ATP10A: variants seen among roughly 807,000 people sequenced by gnomAD.
The protein encoded by ATP10A is phospholipid-transporting ATPase VA.
A neutral mutation model predicts 147.8 loss-of-function variants in ATP10A; 111 were observed. The observed-to-expected ratio is 0.75, with a 90% CI of 0.64 to 0.88. The LOEUF (loss-of-function observed/expected upper bound fraction) is 0.88. Among genes scored for constraint, ATP10A ranks in the 40% least tolerant of loss-of-function variants. The pLI, the probability that ATP10A is intolerant of heterozygous loss-of-function variation, is 0.00. For missense variants in ATP10A, 1,927 were observed against 1,959.0 expected, an observed-to-expected ratio of 0.98 and a Z score of 0.31; for synonymous variants, 875 against 841.6, an observed-to-expected ratio of 1.04 and a Z score of -0.69.
At chr15:25,683,802 T>C (rs1169738046) in intron 16 of ATP10A, 1 of 366,428 alleles carries the variant, frequency 2.7e-6, no homozygotes, top group African/African-American at 2.1e-5. Context: ...TAAAACAAAA[T>C]CAAGGTTTCA....
chr15:25,749,964 T>A (rs954931731), intron 2 of ATP10A, among the ~76,000 whole-genome samples: 1 of 152,112 alleles, frequency 6.6e-6, no homozygotes, highest in South Asian at 2.1e-4. Flanking sequence ...AAGAGAGGAT[T>A]GGTAAGTTGT....
intron 1 of ATP10A, among the ~76,000 whole-genome samples, chr15:25,814,971 C>G (rs546743428): frequency 7.9e-5 from 12 of 152,210 alleles, no homozygotes; most frequent in Admixed American, 7.8e-4. Context: ...AAAAATCCAC[C>G]TGGCTTATGA....
At chr15:25,764,167 C>A (rs914632686) in intron 2 of ATP10A, among the ~76,000 whole-genome samples, 1 of 152,114 alleles carries the variant, frequency 6.6e-6, no homozygotes, top group African/African-American at 2.4e-5. Flanking sequence ...TTCTTCAAGG[C>A]ACCGAGTGAG....
At chr15:25,798,795 T>C (rs1241991209) in intron 1 of ATP10A, among the ~76,000 whole-genome samples, 5 of 152,142 alleles carry the variant, frequency 3.3e-5, no homozygotes, top group African/African-American at 1.2e-4. Context: ...TGTGATTCTG[T>C]TGGAGCTGCC....
chr15:25,756,415 G>A (rs1019545967), intron 2 of ATP10A, among the ~76,000 whole-genome samples: 13 of 152,178 alleles, frequency 8.5e-5, no homozygotes, highest in Admixed American at 5.9e-4. Flanking sequence ...AGGCCGAGGC[G>A]AGCGGATCAC....
chr15:25,780,523 T>G (rs1223019782), intron 2 of ATP10A, among the ~76,000 whole-genome samples: 1 of 152,046 alleles, frequency 6.6e-6, no homozygotes, highest in African/African-American at 2.4e-5. Context: ...CACACGTGCT[T>G]CCCTCCAGCC....
At position 25,721,765 on chromosome 15, in the gene ATP10A, C is replaced by G; in HGVS notation, c.1255G>C (p.Gly419Arg). 15 of 1,614,162 alleles carry G rather than the reference C, an allele frequency of 9.3e-6. No homozygotes were observed. The highest frequency in any genetic ancestry group is 1.3e-5 in the Non-Finnish European group (15 of 1,180,028). Residue 419 changes from glycine to arginine, a missense_variant, in exon 7 of 21, where the codon GGA becomes CGA. Gly to Arg is a moderately radical substitution (Grantham distance 125). Coordinates refer to ENST00000555815, the MANE Select transcript of ATP10A (RefSeq NM_024490.4). ...CRALNITEDL[G>R]QIQYIFSDKT... Reference sequence around the variant, plus strand: ...TCTGAGAAAATGTACTGTATCTGTCCTAAGTCTTCCGTGATGTTCAGAGCT... The same window carrying G: ...TCTGAGAAAATGTACTGTATCTGTCGTAAGTCTTCCGTGATGTTCAGAGCT...
intron 2 of ATP10A, among the ~76,000 whole-genome samples, chr15:25,769,287 C>T (rs1252479459): frequency 6.6e-6 from 1 of 151,834 alleles, no homozygotes; most frequent in South Asian, 2.1e-4. Flanking sequence ...GAGTTCAAGA[C>T]CACCCTGGCC....
intron 2 of ATP10A, among the ~76,000 whole-genome samples, chr15:25,777,056 G>A (rs1567375837): frequency 6.6e-6 from 1 of 151,696 alleles, no homozygotes; most frequent in Non-Finnish European, 1.5e-5. Context: ...GTCTTTAGGT[G>A]GGGTGTGTGT....
intron 2 of ATP10A, among the ~76,000 whole-genome samples, chr15:25,763,615 T>C (rs1470521789): frequency 6.6e-6 from 1 of 152,246 alleles, no homozygotes; most frequent in Non-Finnish European, 1.5e-5. Context: ...GAACACAGGC[T>C]GCAGATTAAT....
intron 1 of ATP10A, among the ~76,000 whole-genome samples, chr15:25,857,952 CATTTGGCTCAT>C (rs200033850): frequency 0.034 from 5,215 of 152,190 alleles, 111 homozygotes; most frequent in Non-Finnish European, 0.048. Context: ...GCATATAGAA[CATTTGGCTCAT>C]ATTAACAAGT....
rs189951892 is a variant in ATP10A at position 25,797,649 on chromosome 15, G to A, written c.450-16426C>T. ...TGGATCCTTGGGCCCCTCCTCGGGG[G>A]ACAGCCATCCAAGAAGGGCAGCCCA... On this transcript the variant is annotated intron_variant, in intron 1 of 20. Transcript: ENST00000555815. Among the ~76,000 whole-genome samples the A allele has an allele frequency of 4.9e-3, 742 of 152,270 alleles. 5 individuals are homozygous for A. The highest frequency in any genetic ancestry group is 0.014 in the Middle Eastern group (4 of 294).
At chr15:25,680,452 G>A (rs1434469174) in intron 19 of ATP10A, 144 bp from the exon 20 acceptor site, 18 of 906,566 alleles carry the variant, frequency 2.0e-5, no homozygotes, top group Middle Eastern at 2.6e-4. Flanking sequence ...GCGGGTAACC[G>A]GTGGGGCTCA....
At chr15:25,822,003 C>G (rs910803379) in intron 1 of ATP10A, among the ~76,000 whole-genome samples, 1 of 152,124 alleles carries the variant, frequency 6.6e-6, no homozygotes, top group Admixed American at 6.5e-5. Context: ...TTCACAGATG[C>G]GGAAGTTTCT....
chr15:25,702,072 C>T lies in ATP10A; in HGVS notation c.2604G>A (p.Gln868=), dbSNP rs758636771. The change falls in exon 13 of 21, where the codon CAG becomes CAA. Residue 868 remains glutamine, a synonymous_variant. Transcript: ENST00000555815. The part of the protein sequence containing the change: ...LGATGIEDRL[Q]DGVPETISKL... ...TAGAAATAGTTTCAGGGACTCCGTC[C>T]TGCAGGCGGTCTTCAATCCCAGTGG... The T allele has an allele frequency of 4.2e-5, 67 of 1,613,306 alleles. No homozygotes were observed. The highest frequency in any genetic ancestry group is 5.3e-5 in the Non-Finnish European group (63 of 1,179,656).
chr15:25,755,399 G>A (rs1888359856), intron 2 of ATP10A, among the ~76,000 whole-genome samples: 1 of 152,148 alleles, frequency 6.6e-6, no homozygotes, highest in Non-Finnish European at 1.5e-5. Flanking sequence ...TAGTCTCAGT[G>A]GACTACTTAT....
chr15:25,785,874 C>T (rs1567382913), intron 1 of ATP10A, among the ~76,000 whole-genome samples: 1 of 152,232 alleles, frequency 6.6e-6, no homozygotes, highest in Non-Finnish European at 1.5e-5. Flanking sequence ...GGGGCAGGGT[C>T]TGCTTGGAGA....
intron 7 of ATP10A, 108 bp downstream of exon 7, chr15:25,721,549 T>C (rs1902229295): frequency 2.1e-6 from 1 of 481,182 alleles, no homozygotes; most frequent in African/African-American, 2.5e-5. Flanking sequence ...GAAGCGTGTG[T>C]GTGTGTGTGT....
intron 6 of ATP10A, 30 bp from the exon 7 acceptor site, chr15:25,721,939 G>A (rs781350332): frequency 6.3e-7 from 1 of 1,593,896 alleles, no homozygotes; most frequent in Admixed American, 1.7e-5. Flanking sequence ...CAGGATGAAT[G>A]ACCGTGAGGA....
Sources: gnomAD v4.1 joint callset for allele counts (sites outside exome capture counted in the v4.1 genomes callset) on GRCh38, gnomAD v4.1.1 for gene constraint, MANE v1.5 for transcripts, NCBI Gene and HGNC (gene_info 2026-07-23, HGNC 2026-07-21) for gene names.